SPON1: variants seen among roughly 807,000 people sequenced by gnomAD.
The protein encoded by SPON1 is spondin 1.
A neutral mutation model predicts 111.7 loss-of-function variants in SPON1; 52 were observed. The ratio of observed to expected loss-of-function variants is 0.47; its 90% confidence interval spans 0.37 to 0.59. SPON1 has a LOEUF of 0.59. SPON1 is among the 20% of genes least tolerant of loss of function. The pLI, the probability that SPON1 is intolerant of heterozygous loss-of-function variation, is 0.00. For missense variants in SPON1, 957 were observed against 1,068.5 expected, an observed-to-expected ratio of 0.90 and a Z score of 1.46; for synonymous variants, 410 against 395.8, an observed-to-expected ratio of 1.04 and a Z score of -0.43.
chr11:14,051,080 G>T (rs2133818296), intron 3 of SPON1, among the ~76,000 whole-genome samples: 1 of 152,194 alleles, frequency 6.6e-6, no homozygotes, highest in Non-Finnish European at 1.5e-5. Flanking sequence ...TGTGAAGAGG[G>T]GTGTAGAGTT....
intron 6 of SPON1, among the ~76,000 whole-genome samples, chr11:14,176,543 G>A (rs1487743187): frequency 6.6e-6 from 1 of 152,130 alleles, no homozygotes; most frequent in Non-Finnish European, 1.5e-5. Flanking sequence ...CCCCACCATA[G>A]GGCTACAGAA....
chr11:14,022,895 A>G (rs1367312297), intron 2 of SPON1, among the ~76,000 whole-genome samples: 1 of 152,212 alleles, frequency 6.6e-6, no homozygotes, highest in Non-Finnish European at 1.5e-5. Context: ...GTAGGGTTAA[A>G]AGCAGGTTCA....
At chr11:14,026,985 C>T (rs1848523480) in intron 2 of SPON1, among the ~76,000 whole-genome samples, 1 of 152,176 alleles carries the variant, frequency 6.6e-6, no homozygotes, top group African/African-American at 2.4e-5. Flanking sequence ...AACTCCCACT[C>T]TGCAGTCTCT....
intron 3 of SPON1, among the ~76,000 whole-genome samples, chr11:14,072,551 G>C (rs1476916768): frequency 1.3e-5 from 2 of 152,118 alleles, no homozygotes; most frequent in Non-Finnish European, 2.9e-5. Flanking sequence ...TGGTCGAGTT[G>C]AAGAGGTGTT....
intron 6 of SPON1, among the ~76,000 whole-genome samples, chr11:14,207,055 A>G (rs1554936255): frequency 6.6e-6 from 1 of 152,218 alleles, no homozygotes; most frequent in African/African-American, 2.4e-5. Context: ...CCAGTGGAAG[A>G]GAATAGAGAA....
chr11:14,063,171 A>G (rs1187745845), intron 3 of SPON1, among the ~76,000 whole-genome samples: 1 of 152,058 alleles, frequency 6.6e-6, no homozygotes, highest in Non-Finnish European at 1.5e-5. Context: ...ATTTTTACTT[A>G]TGTATTGGGT....
intron 6 of SPON1, among the ~76,000 whole-genome samples, chr11:14,206,729 A>G (rs1366315380): frequency 2.6e-5 from 4 of 152,246 alleles, no homozygotes; most frequent in Non-Finnish European, 5.9e-5. Context: ...CAAAGAAATC[A>G]CAGATGACAC....
intron 2 of SPON1, among the ~76,000 whole-genome samples, chr11:13,983,506 G>C (rs1200180984): frequency 1.3e-5 from 2 of 152,202 alleles, no homozygotes; most frequent in Non-Finnish European, 2.9e-5. Flanking sequence ...TCCTCAAGGG[G>C]AAGCTTCATT....
At chr11:14,247,172 T>C (rs1157418585) in intron 7 of SPON1, among the ~76,000 whole-genome samples, 3 of 151,970 alleles carry the variant, frequency 2.0e-5, no homozygotes, top group African/African-American at 7.3e-5. Context: ...TTTTGGGAGG[T>C]GGAAGCAGGA....
chr11:14,110,009 C>T (rs1554925293), intron 5 of SPON1, among the ~76,000 whole-genome samples: 1 of 152,178 alleles, frequency 6.6e-6, no homozygotes, highest in Non-Finnish European at 1.5e-5. Context: ...GAAATAGATA[C>T]ATCAGACAGA....
At chr11:14,068,762 C>T (rs11023073) in intron 3 of SPON1, among the ~76,000 whole-genome samples, 10,906 of 152,240 alleles carry the variant, frequency 0.072, 1,319 homozygotes, top group African/African-American at 0.25. Flanking sequence ...GGCCACCCTC[C>T]GCTGAGTTGT....
At chr11:13,982,622 C>T (rs960100084) in intron 1 of SPON1, among the ~76,000 whole-genome samples, 17 of 152,200 alleles carry the variant, frequency 1.1e-4, no homozygotes, top group African/African-American at 4.1e-4. Context: ...CAAGAATCCC[C>T]AAGTAAGATA....
rs373141777 is a variant in SPON1 at position 14,012,730 on chromosome 11, G to T, written c.346-28791G>T. Among the ~76,000 whole-genome samples the T allele has an allele frequency of 1.9e-3, 293 of 152,242 alleles. 3 individuals are homozygous for T. The highest frequency in any genetic ancestry group is 6.7e-3 in the African/African-American group (277 of 41,542). On this transcript the variant is annotated intron_variant, in intron 2 of 15. Transcript: ENST00000576479. ...GGCTTCTGATGTCTGCCATTGGGGA[G>T]AATTTCCCTTTTATTTCTGCCTCTT... is the stretch of plus-strand genomic sequence containing the variant.
intron 6 of SPON1, among the ~76,000 whole-genome samples, chr11:14,231,291 G>A (rs1253931026): frequency 5.3e-5 from 8 of 151,874 alleles, no homozygotes; most frequent in Non-Finnish European, 8.8e-5. Context: ...ATGCCACCAC[G>A]CCTGGCTAAT....
At chr11:14,263,322 T>C (rs1554942122) in intron 15 of SPON1, among the ~76,000 whole-genome samples, 1 of 152,140 alleles carries the variant, frequency 6.6e-6, no homozygotes, top group Non-Finnish European at 1.5e-5. Flanking sequence ...TTGCTCAAAG[T>C]CAGTTATGAC....
intron 2 of SPON1, among the ~76,000 whole-genome samples, chr11:14,039,875 A>T (rs527825248): frequency 6.6e-6 from 1 of 152,160 alleles, no homozygotes; most frequent in Non-Finnish European, 1.5e-5. Context: ...AGACAATAGA[A>T]TCCACTGGCA....
intron 4 of SPON1, among the ~76,000 whole-genome samples, chr11:14,076,713 T>A (rs1554921491): frequency 2.0e-5 from 3 of 152,208 alleles, no homozygotes; most frequent in Non-Finnish European, 4.4e-5. Flanking sequence ...TGCATTGTCC[T>A]CCTGTAGATG....
At chr11:14,226,455 C>T (rs1848740137) in intron 6 of SPON1, among the ~76,000 whole-genome samples, 1 of 152,204 alleles carries the variant, frequency 6.6e-6, no homozygotes, top group South Asian at 2.1e-4. Flanking sequence ...CCCTTGTGAT[C>T]GAGTGGTTGA....
At chr11:13,992,322 A>C (rs1848237349) in intron 2 of SPON1, among the ~76,000 whole-genome samples, 1 of 152,194 alleles carries the variant, frequency 6.6e-6, no homozygotes, top group Non-Finnish European at 1.5e-5. Context: ...GGCCCCACCC[A>C]GTTTGAACTT....
Sources: allele counts gnomAD v4.1 joint callset (sites outside exome capture counted in the v4.1 genomes callset), GRCh38; gene constraint gnomAD v4.1.1; transcripts MANE v1.5; gene names NCBI Gene and HGNC (gene_info 2026-07-23, HGNC 2026-07-21).